Variants in CNTN5 observed in about 807,000 individuals in gnomAD.
CNTN5 encodes the protein contactin 5.
CNTN5 carries 77 observed loss-of-function variants against 129.1 expected under a neutral mutation model. The observed-to-expected ratio is 0.60, with a 90% CI of 0.50 to 0.72. CNTN5 has a LOEUF of 0.72. Ranked by LOEUF, CNTN5 falls within the 30% of genes least tolerant of loss-of-function variation. The probability of loss-of-function intolerance (pLI) is 0.00; values close to 1 mark genes in which losing one functional copy is unlikely to be tolerated. For missense variants in CNTN5, 1,478 were observed against 1,328.8 expected, an observed-to-expected ratio of 1.11 and a Z score of -1.75; for synonymous variants, 509 against 465.6, an observed-to-expected ratio of 1.09 and a Z score of -1.20.
intron 3 of CNTN5, among the ~76,000 whole-genome samples, chr11:99,797,576 C>G (rs1271900491): frequency 2.6e-5 from 4 of 152,092 alleles, no homozygotes; most frequent in Non-Finnish European, 5.9e-5. Flanking sequence ...TGTATGTCTT[C>G]TTTTGAGAAG....
intron 2 of CNTN5, among the ~76,000 whole-genome samples, chr11:99,400,055 A>G (rs6590086): frequency 1 from 151,977 of 152,140 alleles, 75,908 homozygotes; most frequent in Middle Eastern, 1. Flanking sequence ...CTTTTAAAAC[A>G]TACAATTTAC....
At chr11:99,111,273 G>T (rs1298829701) in intron 1 of CNTN5, among the ~76,000 whole-genome samples, 4 of 151,892 alleles carry the variant, frequency 2.6e-5, no homozygotes, top group Admixed American at 6.6e-5. Flanking sequence ...TCAGCTCTTT[G>T]TCTATAAGTG....
intron 3 of CNTN5, among the ~76,000 whole-genome samples, chr11:99,568,287 A>T (rs1196521026): frequency 6.6e-6 from 1 of 152,188 alleles, no homozygotes; most frequent in African/African-American, 2.4e-5. Flanking sequence ...TAATAATTAC[A>T]TTGATTTTCT....
chr11:99,448,240 A>G (rs1944149971), intron 2 of CNTN5, among the ~76,000 whole-genome samples: 2 of 152,164 alleles, frequency 1.3e-5, no homozygotes, highest in South Asian at 4.1e-4. Context: ...TCTACAATGA[A>G]TAATATGAAA....
chr11:99,590,484 C>A (rs115051893), intron 3 of CNTN5, among the ~76,000 whole-genome samples: 1 of 152,024 alleles, frequency 6.6e-6, no homozygotes, highest in South Asian at 2.1e-4. Context: ...TAAGATAGGA[C>A]AATATTTCCA....
At chr11:99,347,561 A>C (rs1365952434) in intron 2 of CNTN5, among the ~76,000 whole-genome samples, 1 of 152,228 alleles carries the variant, frequency 6.6e-6, no homozygotes, top group Non-Finnish European at 1.5e-5. Flanking sequence ...GCTGTTAGGC[A>C]GTTCAGTCCC....
intron 3 of CNTN5, among the ~76,000 whole-genome samples, chr11:99,574,632 A>G (rs1253193026): frequency 2.0e-5 from 3 of 152,000 alleles, no homozygotes; most frequent in Non-Finnish European, 4.4e-5. Flanking sequence ...CACATTTTGG[A>G]TTTGATTTGC....
At chr11:99,791,557 C>G (rs1473079094) in intron 3 of CNTN5, among the ~76,000 whole-genome samples, 1 of 152,006 alleles carries the variant, frequency 6.6e-6, no homozygotes, top group Admixed American at 6.6e-5. Flanking sequence ...CGTGATGCCT[C>G]CAGGTTTGTC....
chr11:99,978,740 C>T (rs555835520), intron 8 of CNTN5, among the ~76,000 whole-genome samples: 12 of 152,106 alleles, frequency 7.9e-5, no homozygotes, highest in Non-Finnish European at 1.3e-4. Flanking sequence ...TGCCTAATGT[C>T]GCATTAATCC....
chr11:100,292,603 G>C (rs1951014470), intron 18 of CNTN5, among the ~76,000 whole-genome samples: 4 of 151,964 alleles, frequency 2.6e-5, no homozygotes, highest in Admixed American at 2.6e-4. Flanking sequence ...TCTTGCTCCT[G>C]TCCTTATTTA....
chr11:99,145,947 T>A (rs553953567), intron 1 of CNTN5, among the ~76,000 whole-genome samples: 2 of 152,300 alleles, frequency 1.3e-5, no homozygotes, highest in South Asian at 4.1e-4. Flanking sequence ...ATGTTGATTT[T>A]TTTTTTAGTG....
At chr11:99,560,497 G>A (rs1161450773) in intron 3 of CNTN5, among the ~76,000 whole-genome samples, 1 of 151,858 alleles carries the variant, frequency 6.6e-6, no homozygotes. Context: ...CACCATGTTG[G>A]CCAGGCTGGT....
intron 8 of CNTN5, among the ~76,000 whole-genome samples, chr11:99,991,309 T>A (rs1036822521): frequency 6.6e-6 from 1 of 150,406 alleles, no homozygotes; most frequent in African/African-American, 2.5e-5. Flanking sequence ...CTACTAAAAG[T>A]ACAAAAAATT....
intron 2 of CNTN5, among the ~76,000 whole-genome samples, chr11:99,380,457 T>C (rs536487651): frequency 1.3e-5 from 2 of 152,188 alleles, no homozygotes; most frequent in African/African-American, 4.8e-5. Context: ...CAAGAACATT[T>C]GTCAGATTTG....
chr11:99,576,770 CATCACTTGTTGGA>C (rs1949363131), intron 3 of CNTN5, among the ~76,000 whole-genome samples: 1 of 152,136 alleles, frequency 6.6e-6, no homozygotes, highest in Admixed American at 6.5e-5. Context: ...AGTGTACCCT[CATCACTTGTTGGA>C]AGGAGCAGGG....
intron 2 of CNTN5, among the ~76,000 whole-genome samples, chr11:99,500,102 T>A (rs1220902974): frequency 1.3e-5 from 2 of 152,132 alleles, no homozygotes; most frequent in African/African-American, 4.8e-5. Flanking sequence ...GTGTAATGAC[T>A]ATAGGAGTAG....
intron 3 of CNTN5, among the ~76,000 whole-genome samples, chr11:99,643,073 T>C (rs879868666): frequency 9.9e-5 from 15 of 152,210 alleles, no homozygotes; most frequent in Non-Finnish European, 1.9e-4. Context: ...AATACAGATA[T>C]CTCTGTGGAA....
intron 17 of CNTN5, among the ~76,000 whole-genome samples, chr11:100,257,341 G>A (rs2138732439): frequency 6.6e-6 from 1 of 152,258 alleles, no homozygotes; most frequent in East Asian, 1.9e-4. Flanking sequence ...CAGGGGGAAG[G>A]GGCAGCTGTG....
chr11:99,432,634 G>A (rs1943435315), intron 2 of CNTN5, among the ~76,000 whole-genome samples: 2 of 151,584 alleles, frequency 1.3e-5, no homozygotes, highest in Non-Finnish European at 2.9e-5. Context: ...AGCAGTTCAG[G>A]GCAAGTGAGA....
Sources: allele counts gnomAD v4.1 joint callset (sites outside exome capture counted in the v4.1 genomes callset), GRCh38; gene constraint gnomAD v4.1.1; transcripts MANE v1.5; gene names NCBI Gene and HGNC (gene_info 2026-07-23, HGNC 2026-07-21).